The following ACAT2 variants were observed in gnomAD, a reference collection of about 807,000 sequenced individuals.
The protein encoded by ACAT2 is acetyl-CoA acetyltransferase 2, also known as acetyl-CoA acetyltransferase, cytosolic.
ACAT2 carries 26 observed loss-of-function variants against 37.1 expected under a neutral mutation model. The ratio of observed to expected loss-of-function variants is 0.70; its 90% CI spans 0.51 to 0.97. The LOEUF is 0.97. Ranked by LOEUF, ACAT2 falls within the 50% of genes least tolerant of loss-of-function variation. The pLI is 0.00. For synonymous variants in ACAT2, 156 were observed against 163.6 expected (o/e 0.95, Z 0.35); for missense variants, 468 against 489.0 (o/e 0.96, Z 0.40).
At position 159,763,629 on chromosome 6, in the gene ACAT2, C is replaced by CTTTTTT. The variant is rs765044833; in HGVS notation, c.190+599_190+604dup. On this transcript the variant is annotated intron_variant, in intron 2 of 8. Transcript: ENST00000367048. ...ACCACCTACACTGCCTTTTCTTTTC[C>CTTTTTT]TTTTTTTTTTTTTTTTTTTTTTTTT... Among the ~76,000 whole-genome samples the CTTTTTT allele has an allele frequency of 6.2e-3, 471 of 76,416 alleles. 46 individuals are homozygous for CTTTTTT. Among genetic ancestry groups the CTTTTTT allele is most frequent in the Middle Eastern group, 0.027 (2 of 74 alleles). 50.1% of individuals were successfully genotyped at this position (76,416 alleles called of 152,430 possible).
chr6:159,767,645 G>C (rs1236589720), intron 3 of ACAT2, among the ~76,000 whole-genome samples: 1 of 152,162 alleles, frequency 6.6e-6, no homozygotes, highest in Non-Finnish European at 1.5e-5. Context: ...TCTCCAGTAG[G>C]TTTGCCAGGC....
At chr6:159,763,099 C>T in intron 2 of ACAT2, 46 bp downstream of exon 2, 1 of 1,579,516 alleles carries the variant, frequency 6.3e-7, no homozygotes, top group Non-Finnish European at 8.6e-7. Context: ...TTAGAAACAG[C>T]CCATAAACAC....
Position 159,777,359 on chromosome 6 carries a change from G to T in ACAT2, c.815G>T (p.Arg272Leu). 1 of 1,614,176 alleles carries T rather than the reference G, an allele frequency of 6.2e-7. No individual in the cohort carries two copies. Among genetic ancestry groups the T allele is most frequent in the Non-Finnish European group, 8.5e-7 (1 of 1,180,024 alleles). ...ATGAAGAAGTCAGAAGCTGATAAAC[G>T]TGGGCTTACACCTTTAGCACGGATA... ...VLMKKSEADK[R>L]GLTPLARIVS... The change falls in exon 7 of 9, where the codon CGT becomes CTT. Residue 272 changes from arginine to leucine, a missense_variant. Coordinates refer to ENST00000367048, the MANE Select transcript of ACAT2 (RefSeq NM_005891.3).
intron 3 of ACAT2, among the ~76,000 whole-genome samples, chr6:159,767,475 G>A (rs1464999472): frequency 1.3e-5 from 2 of 152,226 alleles, no homozygotes; most frequent in Non-Finnish European, 2.9e-5. Flanking sequence ...TTAGTTGCTT[G>A]ATGTCCTTGG....
At chr6:159,768,786 T>G (rs1262102210) in intron 4 of ACAT2, among the ~76,000 whole-genome samples, 158 bp downstream of exon 4, 1 of 152,244 alleles carries the variant, frequency 6.6e-6, no homozygotes, top group African/African-American at 2.4e-5. Context: ...AGTATTCTCT[T>G]CTTTGTGAAC....
At position 159,762,060 on chromosome 6, in the gene ACAT2, C is replaced by A. The variant is rs750021042; in HGVS notation, c.-28C>A. ...AGCTTTGCCTAGCTTGCAGGCAGCG[C>A]AGGGCAGACGGCGGCAGGAGAAGCA... On this transcript the variant is annotated 5_prime_UTR_variant, in exon 1 of 9. Transcript: ENST00000367048. 9 of 1,611,696 alleles carry A rather than the reference C, an allele frequency of 5.6e-6. No individual in the cohort carries two copies. In the South Asian group the frequency reaches 9.9e-5, roughly 18 times the overall value.
At chr6:159,777,036 C>T (rs1466572464) in intron 6 of ACAT2, among the ~76,000 whole-genome samples, 1 of 152,204 alleles carries the variant, frequency 6.6e-6, no homozygotes, top group Non-Finnish European at 1.5e-5. Flanking sequence ...ATTCACCCTC[C>T]TCCACCTCCC....
chr6:159,778,423 TTAAAAAAAAA>T (rs1035789485), intron 8 of ACAT2, 143 bp downstream of exon 8: 25 of 84,148 alleles, frequency 3.0e-4, no homozygotes, highest in Middle Eastern at 3.4e-3. Context: ...TTCCCAAGGT[TTAAAAAAAAA>T]AAAAAAAAAA....
At chr6:159,766,690 C>T (rs1030788995) in intron 2 of ACAT2, among the ~76,000 whole-genome samples, 1 of 152,196 alleles carries the variant, frequency 6.6e-6, no homozygotes, top group Non-Finnish European at 1.5e-5. Flanking sequence ...CATGAGCCAC[C>T]GCGCCCAACT....
At chr6:159,768,039 C>T (rs1248683714) in intron 3 of ACAT2, among the ~76,000 whole-genome samples, 1 of 152,146 alleles carries the variant, frequency 6.6e-6, no homozygotes, top group African/African-American at 2.4e-5. Context: ...TCTAATATAC[C>T]TGCTGTTGAG....
chr6:159,776,677 G>A (rs918288367), intron 6 of ACAT2, among the ~76,000 whole-genome samples: 2 of 152,178 alleles, frequency 1.3e-5, no homozygotes, highest in South Asian at 4.1e-4. Context: ...GGGAACTTCA[G>A]TTTATCTACC....
At position 159,778,815 on chromosome 6, in the gene ACAT2, G is replaced by A. The variant is rs774043935; in HGVS notation, c.1180G>A (p.Val394Ile). The change falls in exon 9 of 9, where the codon GTT becomes ATT. Residue 394 changes from valine (V) to isoleucine (I), a missense_variant. Coordinates refer to ENST00000367048, the MANE Select transcript of ACAT2 (RefSeq NM_005891.3). Reference protein sequence around the residue: ...IGGGMGIAMCVQRE With the variant: ...IGGGMGIAMCIQRE ...GGGTGGGATGGGAATAGCAATGTGT[G>A]TTCAGAGAGAATGAATTGCTTAAAC... 3 of 1,614,034 alleles carry A rather than the reference G, an allele frequency of 1.9e-6. No individual in the cohort carries two copies. The highest frequency in any genetic ancestry group is 2.7e-5 in the African/African-American group (2 of 74,918).
At chr6:159,770,184 A>G (rs1448925400) in intron 4 of ACAT2, among the ~76,000 whole-genome samples, 2 of 152,202 alleles carry the variant, frequency 1.3e-5, no homozygotes, top group Non-Finnish European at 2.9e-5. Context: ...AACTCAATAT[A>G]TTCTCTAAAG....
At chr6:159,777,886 T>G (rs1780455692) in intron 7 of ACAT2, among the ~76,000 whole-genome samples, 1 of 152,200 alleles carries the variant, frequency 6.6e-6, no homozygotes, top group South Asian at 2.1e-4. Flanking sequence ...GGGGAACTGA[T>G]TCTGTTACAT....
rs1780501706 is a variant in ACAT2 at position 159,778,907 on chromosome 6, C to A, written c.*78C>A. 1 of 1,590,862 alleles carries A rather than the reference C, an allele frequency of 6.3e-7. No individual in the cohort carries two copies. Among genetic ancestry groups the A allele is most frequent in the Non-Finnish European group, 8.6e-7 (1 of 1,165,240 alleles). The stretch of plus-strand genomic sequence containing the variant: ...GGTTGCAATATGTGAAATCAGAGGA[C>A]CAAAGTACAGATGGAAACCATTTCC... On this transcript the variant is annotated 3_prime_UTR_variant, in exon 9 of 9. Transcript: ENST00000367048.
chr6:159,777,993 G>A (rs1780458556), intron 7 of ACAT2, among the ~76,000 whole-genome samples, 177 bp from the exon 8 acceptor site: 1 of 152,186 alleles, frequency 6.6e-6, no homozygotes, highest in Admixed American at 6.6e-5. Context: ...TAACCTTTTG[G>A]ATGGAATGGA....
chr6:159,777,102 C>T (rs1288593994), intron 6 of ACAT2, among the ~76,000 whole-genome samples, 200 bp from the exon 7 acceptor site: 3 of 152,192 alleles, frequency 2.0e-5, no homozygotes, highest in Non-Finnish European at 2.9e-5. Context: ...TACTGTAATC[C>T]TACCACTTTC....
chr6:159,771,129 C>T (rs1447517242), intron 4 of ACAT2, among the ~76,000 whole-genome samples: 1 of 151,926 alleles, frequency 6.6e-6, no homozygotes, highest in Admixed American at 6.6e-5. Context: ...TGCCTGTAAT[C>T]CCAGCACTTT....
At chr6:159,773,853 G>A (rs1406474329) in intron 4 of ACAT2, among the ~76,000 whole-genome samples, 4 of 152,170 alleles carry the variant, frequency 2.6e-5, no homozygotes, top group Non-Finnish European at 4.4e-5. Context: ...TTTCTTTGTG[G>A]TAAAATGCCA....
Sources: allele counts gnomAD v4.1 joint callset (sites outside exome capture counted in the v4.1 genomes callset), GRCh38; gene constraint gnomAD v4.1.1; transcripts MANE v1.5; gene names NCBI Gene and HGNC (gene_info 2026-07-23, HGNC 2026-07-21).